NBAS: variants seen among roughly 807,000 people sequenced by gnomAD.
NBAS encodes NBAS subunit of NRZ tethering complex.
A neutral mutation model predicts 302.5 loss-of-function variants in NBAS; 219 were observed. The observed-to-expected ratio is 0.72, with a 90% CI of 0.65 to 0.81. NBAS has a LOEUF of 0.81. Among genes scored for constraint, NBAS ranks in the 30% least tolerant of loss-of-function variants. The probability of loss-of-function intolerance (pLI) is 0.00; values close to 1 mark genes in which losing one functional copy is unlikely to be tolerated. For missense variants in NBAS, 2,932 were observed against 2,841.6 expected (o/e 1.03, Z -0.72); for synonymous variants, 1,118 against 1,021.6 (o/e 1.09, Z -1.80).
chr2:15,399,196 CG>C (rs1257585152), intron 26 of NBAS, among the ~76,000 whole-genome samples: 1 of 152,030 alleles, frequency 6.6e-6, no homozygotes, highest in Non-Finnish European at 1.5e-5. Flanking sequence ...GTTATGCACA[CG>C]AGTTGGAAGT....
At chr2:15,013,908 T>A in the NBAS span, among the ~76,000 whole-genome samples, 8 of 151,922 alleles carry the variant, frequency 5.3e-5, no homozygotes, top group East Asian at 1.6e-3. Context: ...GCACATCACA[T>A]CACCAGTGAT....
the NBAS span, among the ~76,000 whole-genome samples, chr2:15,128,717 A>C: frequency 0.32 from 49,179 of 151,978 alleles, 8,143 homozygotes; most frequent in South Asian, 0.37. Context: ...ATGGGAAATA[A>C]AGTTGGAAAA....
intron 32 of NBAS, among the ~76,000 whole-genome samples, chr2:15,361,833 A>C (rs1673942025): frequency 6.6e-6 from 1 of 151,948 alleles, no homozygotes; most frequent in South Asian, 2.1e-4. Flanking sequence ...ACAAAAAATT[A>C]GCCAGGTGTG....
At chr2:14,809,962 A>G in the NBAS span, among the ~76,000 whole-genome samples, 2 of 152,224 alleles carry the variant, frequency 1.3e-5, no homozygotes, top group African/African-American at 4.8e-5. Context: ...GCCCCGCTGT[A>G]TTTTGGACTT....
the NBAS span, among the ~76,000 whole-genome samples, chr2:15,142,922 A>G: frequency 1.3e-5 from 2 of 152,340 alleles, no homozygotes; most frequent in African/African-American, 2.4e-5. Flanking sequence ...TTATAATTAA[A>G]GGTTGAGCAA....
chr2:15,004,153 T>C, the NBAS span, among the ~76,000 whole-genome samples: 1 of 152,214 alleles, frequency 6.6e-6, no homozygotes, highest in African/African-American at 2.4e-5. Flanking sequence ...ATAAACTTAG[T>C]CTCCTTCAAC....
intron 19 of NBAS, among the ~76,000 whole-genome samples, chr2:15,462,222 A>G (rs1391297278): frequency 6.6e-6 from 1 of 152,222 alleles, no homozygotes; most frequent in Non-Finnish European, 1.5e-5. Flanking sequence ...AGTGCCACTC[A>G]CCATGTGCTA....
chr2:15,308,893 T>C (rs1238060514), intron 39 of NBAS, among the ~76,000 whole-genome samples: 3 of 152,202 alleles, frequency 2.0e-5, no homozygotes, highest in Non-Finnish European at 2.9e-5. Flanking sequence ...TTGTCAAAGA[T>C]AGCATTGGGA....
chr2:15,288,493 A>G (rs757652224), intron 41 of NBAS, among the ~76,000 whole-genome samples: 1 of 152,174 alleles, frequency 6.6e-6, no homozygotes, highest in Non-Finnish European at 1.5e-5. Flanking sequence ...TGAGGAACGT[A>G]CTGGGTCCTC....
At chr2:14,807,726 G>T in the NBAS span, among the ~76,000 whole-genome samples, 2 of 152,092 alleles carry the variant, frequency 1.3e-5, no homozygotes, top group Non-Finnish European at 1.5e-5. Flanking sequence ...GAATCAAATA[G>T]ACCAGTTTGA....
chr2:14,916,365 A>G, the NBAS span, among the ~76,000 whole-genome samples: 1 of 152,162 alleles, frequency 6.6e-6, no homozygotes, highest in Non-Finnish European at 1.5e-5. Flanking sequence ...AATACAATAC[A>G]AGGCAAGAAC....
At position 15,238,627 on chromosome 2, in the gene NBAS, A is replaced by C. The variant is rs779254744; in HGVS notation, c.5784T>G (p.Phe1928Leu). ...AGTTTCTTTTCCTTGGCTTCTCAATAAAATGTTTGACTGTCTTAATAGCCT... is the reference window on the plus strand; with the variant it reads ...AGTTTCTTTTCCTTGGCTTCTCAATCAAATGTTTGACTGTCTTAATAGCCT... The part of the protein sequence containing the change: ...TRKAIKTVKH[F>L]IEKPRKRNSE... The change falls in exon 45 of 52, where the codon TTT (phenylalanine) becomes TTG (leucine). Residue 1928 changes from phenylalanine (F) to leucine (L), a missense_variant. Transcript: ENST00000281513. 1 of 1,613,410 alleles carries C rather than the reference A, an allele frequency of 6.2e-7. No individual in the cohort carries two copies. Among genetic ancestry groups the C allele is most frequent in the African/African-American group, 1.3e-5 (1 of 74,902 alleles).
chr2:15,117,545 C>T, the NBAS span, among the ~76,000 whole-genome samples: 3 of 152,322 alleles, frequency 2.0e-5, no homozygotes, highest in African/African-American at 7.2e-5. Flanking sequence ...AAAGTAGGGC[C>T]TCTCCTTAAG....
the NBAS span, among the ~76,000 whole-genome samples, chr2:14,839,547 G>GT: frequency 6.6e-6 from 1 of 152,064 alleles, no homozygotes; most frequent in African/African-American, 2.4e-5. Context: ...TAGCAGTTCA[G>GT]TAGCACCATG....
the NBAS span, among the ~76,000 whole-genome samples, chr2:15,040,807 G>T: frequency 6.6e-6 from 1 of 152,180 alleles, no homozygotes; most frequent in Non-Finnish European, 1.5e-5. Flanking sequence ...GCTCGCACTT[G>T]TCCCTAAGTC....
the NBAS span, among the ~76,000 whole-genome samples, chr2:14,877,448 G>C: frequency 6.6e-6 from 1 of 152,096 alleles, no homozygotes; most frequent in Non-Finnish European, 1.5e-5. Flanking sequence ...TTCTACATTG[G>C]ATAATGTTAC....
the NBAS span, among the ~76,000 whole-genome samples, chr2:14,915,227 T>C: frequency 6.6e-6 from 1 of 152,232 alleles, no homozygotes; most frequent in East Asian, 1.9e-4. Context: ...TGAAAGATAT[T>C]ACCTTTATAA....
intron 11 of NBAS, among the ~76,000 whole-genome samples, chr2:15,494,724 G>T (rs1474404177): frequency 1.3e-5 from 2 of 152,218 alleles, no homozygotes; most frequent in Middle Eastern, 3.4e-3. Context: ...CCCAAAAAAG[G>T]AGGGTATCAG....
the NBAS span, among the ~76,000 whole-genome samples, chr2:14,795,316 G>A: frequency 1.3e-5 from 2 of 152,136 alleles, no homozygotes; most frequent in South Asian, 2.1e-4. Flanking sequence ...AATATCTCAC[G>A]GTGACTTTAA....
Sources: gnomAD v4.1 joint callset for allele counts (sites outside exome capture counted in the v4.1 genomes callset) on GRCh38, gnomAD v4.1.1 for gene constraint, MANE v1.5 for transcripts, NCBI Gene and HGNC (gene_info 2026-07-23, HGNC 2026-07-21) for gene names.